SCG5: variants seen among roughly 807,000 people sequenced by gnomAD.
The protein encoded by SCG5 is secretogranin V.
In SCG5, 18 loss-of-function variants were observed where a neutral mutation model predicts 25.7. The observed-to-expected ratio is 0.70, with a 90% CI of 0.48 to 1.04. The LOEUF is 1.04. Ranked by LOEUF, SCG5 falls within the 50% of genes least tolerant of loss-of-function variation. The probability of loss-of-function intolerance (pLI) is 0.00; values close to 1 mark genes in which losing one functional copy is unlikely to be tolerated. For missense variants in SCG5, 206 were observed against 259.8 expected, an observed-to-expected ratio of 0.79 and a Z score of 1.42; for synonymous variants, 101 against 91.7, an observed-to-expected ratio of 1.10 and a Z score of -0.58.
At chr15:32,662,458 G>A (rs894886634) in intron 2 of SCG5, among the ~76,000 whole-genome samples, 1 of 149,464 alleles carries the variant, frequency 6.7e-6, no homozygotes, top group East Asian at 2.4e-4. Context: ...CAATGAAACA[G>A]AACATCTCTT....
chr15:32,664,529 T>C (rs1405933517), intron 2 of SCG5, among the ~76,000 whole-genome samples: 1 of 152,102 alleles, frequency 6.6e-6, no homozygotes, highest in African/African-American at 2.4e-5. Context: ...CAGATTCAAG[T>C]TTTGTGAGGC....
intron 4 of SCG5, among the ~76,000 whole-genome samples, chr15:32,685,397 C>T (rs990920917): frequency 6.6e-6 from 1 of 152,102 alleles, no homozygotes. Context: ...TTGACAAGAT[C>T]GTTTTATGTT....
intron 2 of SCG5, among the ~76,000 whole-genome samples, chr15:32,660,589 A>G (rs2054200219): frequency 1.3e-5 from 2 of 152,240 alleles, no homozygotes. Context: ...CCAGATGACT[A>G]CATGAGCCTA....
At chr15:32,659,084 G>A (rs2054173084) in intron 2 of SCG5, among the ~76,000 whole-genome samples, 1 of 152,138 alleles carries the variant, frequency 6.6e-6, no homozygotes. Flanking sequence ...GCTGAGGCAG[G>A]AGAATGGCGA....
intron 4 of SCG5, among the ~76,000 whole-genome samples, chr15:32,689,932 C>T (rs1027838411): frequency 6.6e-6 from 1 of 151,674 alleles, no homozygotes; most frequent in Non-Finnish European, 1.5e-5. Context: ...AGCTCTGCCT[C>T]CTGGGTTCAT....
intron 2 of SCG5, among the ~76,000 whole-genome samples, chr15:32,675,075 G>A (rs1405908058): frequency 6.6e-6 from 1 of 152,078 alleles, no homozygotes; most frequent in Non-Finnish European, 1.5e-5. Context: ...ATTATATAAA[G>A]CAAAGTTTAT....
intron 2 of SCG5, among the ~76,000 whole-genome samples, chr15:32,648,154 T>C (rs2053973791): frequency 6.6e-6 from 1 of 152,224 alleles, no homozygotes; most frequent in Non-Finnish European, 1.5e-5. Context: ...TGCTTAGCCA[T>C]ATATGCAAAC....
intron 2 of SCG5, among the ~76,000 whole-genome samples, chr15:32,650,405 A>G (rs1338139310): frequency 2.6e-5 from 4 of 152,078 alleles, no homozygotes; most frequent in Non-Finnish European, 4.4e-5. Context: ...CCGGCGCCCC[A>G]GTCTTATTTT....
intron 3 of SCG5, among the ~76,000 whole-genome samples, chr15:32,681,485 C>CTTTTTTTT (rs61387158): frequency 2.1e-5 from 3 of 140,040 alleles, no homozygotes; most frequent in South Asian, 2.3e-4. Flanking sequence ...TTTTCTTTTT[C>CTTTTTTTT]TTTTTTTTTT....
intron 2 of SCG5, among the ~76,000 whole-genome samples, chr15:32,650,968 C>T (rs1292236044): frequency 3.3e-5 from 5 of 152,158 alleles, no homozygotes; most frequent in Admixed American, 6.5e-5. Flanking sequence ...GAGGCCGAGG[C>T]GGGCGGATCA....
chr15:32,642,670 G>C (rs1373518291), intron 1 of SCG5, among the ~76,000 whole-genome samples: 1 of 148,874 alleles, frequency 6.7e-6, no homozygotes, highest in African/African-American at 2.5e-5. Context: ...CAAGGATAAT[G>C]TTCACTTGTT....
intron 2 of SCG5, among the ~76,000 whole-genome samples, chr15:32,651,493 G>A (rs1023841472): frequency 6.6e-5 from 10 of 152,210 alleles, no homozygotes; most frequent in African/African-American, 2.2e-4. Context: ...GGGACACTCC[G>A]TTTCTGGCTA....
In SCG5 at chr15:32,652,330, G is replaced by A. The variant is rs1007529433; in HGVS notation, c.226+8512G>A. Among the ~76,000 whole-genome samples the A allele has an allele frequency of 6.6e-5, 10 of 152,152 alleles. No homozygotes were observed. The South Asian group carries it at 1.9e-3, about 28-fold the overall frequency. ...AGGAAGAAATGCAACGTATAAATGT[G>A]TTCCCAGAATGTCAGGTAAAGGGGA... On this transcript the variant is annotated intron_variant, in intron 2 of 5. Coordinates refer to ENST00000300175, the MANE Select transcript of SCG5 (RefSeq NM_001144757.3).
chr15:32,663,032 AATATATATATATATAT>A (rs67571496), intron 2 of SCG5, among the ~76,000 whole-genome samples: 4,787 of 79,164 alleles, frequency 0.06, 259 homozygotes, highest in East Asian at 0.092. Flanking sequence ...AAAAAAAAAG[AATATATATATATATAT>A]ATATATATAT....
chr15:32,689,873 G>A (rs1342911600), intron 4 of SCG5, among the ~76,000 whole-genome samples: 47 of 142,184 alleles, frequency 3.3e-4, no homozygotes, highest in Admixed American at 3.0e-4. Flanking sequence ...ACGGAGTCTC[G>A]CTCTGTCCCC....
intron 2 of SCG5, among the ~76,000 whole-genome samples, chr15:32,673,477 C>T (rs1595808748): frequency 1.3e-5 from 2 of 151,786 alleles, no homozygotes; most frequent in South Asian, 4.2e-4. Context: ...TGCAGAATCT[C>T]AGGCCCCACC....
chr15:32,642,087 G>T (rs987055663), intron 1 of SCG5, among the ~76,000 whole-genome samples: 2 of 152,056 alleles, frequency 1.3e-5, no homozygotes, highest in African/African-American at 4.8e-5. Flanking sequence ...TGCAGATTTT[G>T]CTGTTAAACA....
chr15:32,691,670 A>G, intron 4 of SCG5, 40 bp from the exon 5 acceptor site: 2 of 1,513,242 alleles, frequency 1.3e-6, no homozygotes, highest in Non-Finnish European at 1.8e-6. Flanking sequence ...AATTTGATCC[A>G]TACTTCTGCA....
In SCG5 at chr15:32,691,722, C is replaced by T. The variant is rs1452665995; in HGVS notation, c.502C>T (p.Leu168Phe). Reference sequence around the variant, plus strand: ...CTCCCCATTCTAGAACAAGAAACTCCTTTACGAGAAGATGAAGGGAGGAGA... The same window carrying T: ...CTCCCCATTCTAGAACAAGAAACTCTTTTACGAGAAGATGAAGGGAGGAGA... ...PGLGKWNKKL[L>F]YEKMKGGERR... is the part of the protein sequence containing the mutation. The change falls in exon 5 of 6, where the codon CTT (leucine) becomes TTT (phenylalanine). Residue 168 changes from leucine to phenylalanine, a missense_variant. Physicochemically the swap from Leu to Phe is conservative, Grantham distance 22. Transcript: ENST00000300175. 1 of 1,609,574 alleles carries T rather than the reference C, an allele frequency of 6.2e-7. No homozygotes were observed. The highest frequency in any genetic ancestry group is 1.1e-5 in the South Asian group (1 of 89,882).
Sources: allele counts gnomAD v4.1 joint callset (sites outside exome capture counted in the v4.1 genomes callset), GRCh38; gene constraint gnomAD v4.1.1; transcripts MANE v1.5; gene names NCBI Gene and HGNC (gene_info 2026-07-23, HGNC 2026-07-21).